The following PFN2 variants were observed in gnomAD, a reference collection of about 807,000 sequenced individuals.
The protein encoded by PFN2 is profilin 2.
A neutral mutation model predicts 15.3 loss-of-function variants in PFN2; 8 were observed. The observed-to-expected ratio is 0.52, with a 90% CI of 0.31 to 0.95. The LOEUF is 0.95. PFN2 is among the 40% of genes least tolerant of loss of function. The pLI is 0.05. For missense variants in PFN2, 111 were observed against 182.3 expected (o/e 0.61, Z 2.25); for synonymous variants, 79 against 67.9 (o/e 1.16, Z -0.81).
intron 2 of PFN2, among the ~76,000 whole-genome samples, chr3:149,966,882 GGGCAAAAAAATTCT>G (rs1722708562): frequency 1.3e-5 from 2 of 150,662 alleles, no homozygotes; most frequent in African/African-American, 4.9e-5. Flanking sequence ...TTCTATTTTA[GGGCAAAAAAATTCT>G]GGCTGATGTC....
Position 149,965,126 on chromosome 3 carries a change from G to T in PFN2, c.*1363C>A. The T allele has an allele frequency of 3.3e-6, 3 of 907,410 alleles. No homozygotes were observed. Among genetic ancestry groups the T allele is most frequent in the Non-Finnish European group, 4.9e-6 (3 of 616,822 alleles). 56.2% of individuals were successfully genotyped at this position (907,410 alleles called of 1,614,324 possible). A position where few individuals can be genotyped will look rare whatever the true frequency, so the allele number is the denominator to read the frequency against. ...CAAATACTAGAATGTCCCTAAAGTA[G>T]TGCCATTCGAAAGAAACCCTTAATA... On this transcript the variant is annotated 3_prime_UTR_variant, in exon 3 of 3. Transcript: ENST00000239940.
At chr3:149,970,679 C>T (rs1722838529) in intron 1 of PFN2, 46 bp downstream of exon 1, 1 of 1,457,150 alleles carries the variant, frequency 6.9e-7, no homozygotes, top group Non-Finnish European at 9.1e-7. Flanking sequence ...GCCGGCCACC[C>T]CGCTCCGGTG....
chr3:149,965,526 C>T lies in PFN2; in HGVS notation c.*963G>A. On this transcript the variant is annotated 3_prime_UTR_variant, in exon 3 of 3. Transcript: ENST00000239940. ...TTTGCTCTTGTTTTGCCATTGCACTCTTCATATGTCCTGTAGACACTATGA... is the reference window on the plus strand; with the variant it reads ...TTTGCTCTTGTTTTGCCATTGCACTTTTCATATGTCCTGTAGACACTATGA... 7.2e-7 allele frequency: 1 copy of T among 1,394,444 alleles called. No individual in the cohort carries two copies. The highest frequency in any genetic ancestry group is 9.3e-7 in the Non-Finnish European group (1 of 1,080,528). 86.4% of individuals were successfully genotyped at this position (1,394,444 alleles called of 1,614,324 possible). A position where few individuals can be genotyped will look rare whatever the true frequency, so the allele number is the denominator to read the frequency against.
In PFN2 at chr3:149,970,706, G is replaced by A. The variant is rs763287695; in HGVS notation, c.132+19C>T. 7 of 1,493,906 alleles carry A rather than the reference G, an allele frequency of 4.7e-6. No individual in the cohort carries two copies. The highest frequency in any genetic ancestry group is 1.3e-5 in the South Asian group (1 of 79,960). The allele number at this position is 1,493,906 out of a possible 1,614,324, so 92.5% of individuals were successfully genotyped here. A position where few individuals can be genotyped will look rare whatever the true frequency, so the allele number is the denominator to read the frequency against. On this transcript the variant is annotated intron_variant, in intron 1 of 2. Transcript: ENST00000239940. ...GCTCCGGTGCAGGGACCAGGGTACC[G>A]GCCGCCACTGGTCCTCACCGTAATG...
chr3:149,969,494 G>C (rs578241556), intron 1 of PFN2, among the ~76,000 whole-genome samples: 9 of 152,176 alleles, frequency 5.9e-5, no homozygotes, highest in Middle Eastern at 3.2e-3. Flanking sequence ...TTGATGACCA[G>C]ATGCCAATTC....
chr3:149,968,016 G>A (rs1422641567), intron 2 of PFN2: 1 of 196,690 alleles, frequency 5.1e-6, no homozygotes, highest in African/African-American at 2.3e-5. Flanking sequence ...ACACCAAAAG[G>A]GACTAAAATA....
intron 1 of PFN2, among the ~76,000 whole-genome samples, chr3:149,969,467 G>A (rs1387656598): frequency 1.3e-5 from 2 of 152,110 alleles, no homozygotes; most frequent in Admixed American, 6.5e-5. Context: ...AAAGACAAGA[G>A]GACTGCAGGA....
rs1427409100 is a variant in PFN2, at chr3:149,970,590, G to T, written c.132+135C>A. 9.1e-6 allele frequency: 8 copies of T among 874,356 alleles called. No individual in the cohort carries two copies. The East Asian group carries it at 2.6e-4, about 28-fold the overall frequency. 54.2% of individuals were successfully genotyped at this position (874,356 alleles called of 1,614,324 possible). ...CGGCCTCCCCGCCCGCCCGGCAGCC[G>T]CATCCTCGGCGCCCGCTGCCTAGCA... is the stretch of plus-strand genomic sequence containing the variant. On this transcript the variant is annotated intron_variant, in intron 1 of 2. Transcript: ENST00000239940.
At chr3:149,969,425 T>C (rs1229986908) in intron 1 of PFN2, among the ~76,000 whole-genome samples, 1 of 152,136 alleles carries the variant, frequency 6.6e-6, no homozygotes, top group Non-Finnish European at 1.5e-5. Context: ...ACTCCCGCAA[T>C]CTTCCTAGTC....
chr3:149,970,807 C>T lies in PFN2; in HGVS notation c.50G>A (p.Cys17Tyr). ...GTAGCCGACAATGGCGGCCTCCTGG[C>T]AGCAGCCATCGCACATCAGGTTATC... is the stretch of plus-strand genomic sequence containing the variant. Reference protein sequence around the residue: ...YVDNLMCDGCCQEAAIVGYCD... With the variant: ...YVDNLMCDGCYQEAAIVGYCD... Residue 17 changes from cysteine to tyrosine, a missense_variant, in exon 1 of 3, where the codon TGC becomes TAC. By Grantham distance (194) the Cys-to-Tyr change is radical. Transcript: ENST00000239940. 6.6e-7 allele frequency: 1 copy of T among 1,512,486 alleles called. No individual in the cohort carries two copies. The highest frequency in any genetic ancestry group is 8.9e-7 in the Non-Finnish European group (1 of 1,127,014). 93.7% of individuals were successfully genotyped at this position (1,512,486 alleles called of 1,614,324 possible).
chr3:149,965,991 G>T lies in PFN2; in HGVS notation c.*498C>A. On this transcript the variant is annotated 3_prime_UTR_variant, in exon 3 of 3. Coordinates refer to ENST00000239940, the MANE Select transcript of PFN2 (RefSeq NM_053024.4). Reference sequence around the variant, plus strand: ...TTATTGTGCTGCAATTATGTTGCCAGATAAGGGTTGGTTACATACAGTGGT... The same window carrying T: ...TTATTGTGCTGCAATTATGTTGCCATATAAGGGTTGGTTACATACAGTGGT... 2 of 1,395,118 alleles carry T rather than the reference G, an allele frequency of 1.4e-6. No individual in the cohort carries two copies. The highest frequency in any genetic ancestry group is 1.9e-6 in the Non-Finnish European group (2 of 1,078,504). The allele number at this position is 1,395,118 out of a possible 1,614,324, so 86.4% of individuals were successfully genotyped here.
At position 149,966,036 on chromosome 3, in the gene PFN2, T is replaced by C; in HGVS notation, c.*453A>G. On this transcript the variant is annotated 3_prime_UTR_variant, in exon 3 of 3. Transcript: ENST00000239940. ...AGTGGTTAACATACAAATGATCCAT[T>C]GGGCAAACAGGAATCATGACATTAG... 6.7e-7 allele frequency: 1 copy of C among 1,494,902 alleles called. No homozygotes were observed. The highest frequency in any genetic ancestry group is 8.9e-7 in the Non-Finnish European group (1 of 1,126,962). The allele number at this position is 1,494,902 out of a possible 1,614,324, so 92.6% of individuals were successfully genotyped here. A position where few individuals can be genotyped will look rare whatever the true frequency, so the allele number is the denominator to read the frequency against.
intron 2 of PFN2, among the ~76,000 whole-genome samples, chr3:149,967,091 G>A (rs1344130463): frequency 2.0e-5 from 3 of 152,140 alleles, no homozygotes; most frequent in Non-Finnish European, 4.4e-5. Context: ...AGCATACTCA[G>A]TATCATTCAG....
chr3:149,970,159 T>C (rs1722810950), intron 1 of PFN2, among the ~76,000 whole-genome samples: 1 of 151,626 alleles, frequency 6.6e-6, no homozygotes, highest in African/African-American at 2.4e-5. Flanking sequence ...TGGACATCGG[T>C]AAACCTACGC....
chr3:149,966,034 A>C lies in PFN2; in HGVS notation c.*455T>G. 6.7e-7 allele frequency: 1 copy of C among 1,493,986 alleles called. No homozygotes were observed. Among genetic ancestry groups the C allele is most frequent in the Non-Finnish European group, 8.9e-7 (1 of 1,126,760 alleles). 92.5% of individuals were successfully genotyped at this position (1,493,986 alleles called of 1,614,324 possible). ...ACAGTGGTTAACATACAAATGATCC[A>C]TTGGGCAAACAGGAATCATGACATT... On this transcript the variant is annotated 3_prime_UTR_variant, in exon 3 of 3. Coordinates refer to ENST00000239940, the MANE Select transcript of PFN2 (RefSeq NM_053024.4).
Position 149,965,101 on chromosome 3 carries a change from C to T in PFN2, c.*1388G>A. On this transcript the variant is annotated 3_prime_UTR_variant, in exon 3 of 3. Transcript: ENST00000239940. ...ATCCACAAGGCCCAAACAATAGAAG[C>T]AAATACTAGAATGTCCCTAAAGTAG... The T allele has an allele frequency of 1.4e-6, 1 of 719,234 alleles. No individual in the cohort carries two copies. Among genetic ancestry groups the T allele is most frequent in the South Asian group, 2.2e-5 (1 of 46,106 alleles). 44.6% of individuals were successfully genotyped at this position (719,234 alleles called of 1,614,324 possible). A position where few individuals can be genotyped will look rare whatever the true frequency, so the allele number is the denominator to read the frequency against.
Position 149,970,761 on chromosome 3 carries a change from C to T in PFN2, c.96G>A (p.Trp32Ter). Residue 32 changes from tryptophan (W) to a stop codon, truncating the protein, a stop_gained, in exon 1 of 3, where the codon TGG becomes TGA. Coordinates refer to ENST00000239940, the MANE Select transcript of PFN2 (RefSeq NM_053024.4). LOFTEE classifies it high-confidence loss of function. ...IVGYCDAKYVWAATAGGVFQS... is the reference protein window; with the variant it reads ...IVGYCDAKYV Reference sequence around the variant, plus strand: ...GAAAGACGCCCCCGGCCGTGGCTGCCCAGACGTATTTGGCGTCGCAGTAGC... The same window carrying T: ...GAAAGACGCCCCCGGCCGTGGCTGCTCAGACGTATTTGGCGTCGCAGTAGC... 1 of 1,520,026 alleles carries T rather than the reference C, an allele frequency of 6.6e-7. No homozygotes were observed. Among genetic ancestry groups the T allele is most frequent in the Non-Finnish European group, 8.8e-7 (1 of 1,130,672 alleles). 94.2% of individuals were successfully genotyped at this position (1,520,026 alleles called of 1,614,324 possible).
At position 149,965,153 on chromosome 3, in the gene PFN2, G is replaced by A. The variant is rs1395755818; in HGVS notation, c.*1336C>T. 4.8e-6 allele frequency: 6 copies of A among 1,247,362 alleles called. No homozygotes were observed. The highest frequency in any genetic ancestry group is 5.1e-5 in the East Asian group (2 of 38,974). The allele number at this position is 1,247,362 out of a possible 1,614,324, so 77.3% of individuals were successfully genotyped here. ...GCCATTCGAAAGAAACCCTTAATAG[G>A]TCAGTTAAAATCCATCTCACAATAG... On this transcript the variant is annotated 3_prime_UTR_variant, in exon 3 of 3. Coordinates refer to ENST00000239940, the MANE Select transcript of PFN2 (RefSeq NM_053024.4).
intron 1 of PFN2, chr3:149,968,895 A>G (rs1456386802): frequency 4.9e-6 from 1 of 206,064 alleles, no homozygotes; most frequent in Admixed American, 5.4e-5. Context: ...CTGGTGCCTG[A>G]AAGTGTTCAC....
Sources: allele counts gnomAD v4.1 joint callset (sites outside exome capture counted in the v4.1 genomes callset), GRCh38; gene constraint gnomAD v4.1.1; transcripts MANE v1.5; gene names NCBI Gene and HGNC (gene_info 2026-07-23, HGNC 2026-07-21).